CNTNAP2: variants seen among roughly 807,000 people sequenced by gnomAD.
CNTNAP2 encodes contactin associated protein 2.
In CNTNAP2, 98 loss-of-function variants were observed where a neutral mutation model predicts 155.2. That is an observed-to-expected ratio of 0.63 (90% CI 0.54 to 0.75). The LOEUF (loss-of-function observed/expected upper bound fraction) is 0.75, where lower values mean the gene tolerates loss of function less well. Ranked by LOEUF, CNTNAP2 falls within the 30% of genes least tolerant of loss-of-function variation. The probability of loss-of-function intolerance (pLI) is 0.00; values close to 1 mark genes in which losing one functional copy is unlikely to be tolerated. For missense variants in CNTNAP2, 1,727 were observed against 1,688.1 expected (o/e 1.02, Z -0.40); for synonymous variants, 651 against 631.2 (o/e 1.03, Z -0.47).
At chr7:147,872,385 T>A (rs575255899) in intron 13 of CNTNAP2, among the ~76,000 whole-genome samples, 1 of 152,320 alleles carries the variant, frequency 6.6e-6, no homozygotes, top group African/African-American at 2.4e-5. Context: ...AGAGTAAATA[T>A]TATTTAACTT....
At chr7:146,783,496 A>C (rs898741681) in intron 2 of CNTNAP2, among the ~76,000 whole-genome samples, 2 of 152,228 alleles carry the variant, frequency 1.3e-5, no homozygotes, top group African/African-American at 4.8e-5. Context: ...TGTGTAATAC[A>C]GGAATATGTG....
At chr7:147,958,451 C>A (rs949241135) in intron 14 of CNTNAP2, among the ~76,000 whole-genome samples, 7 of 152,142 alleles carry the variant, frequency 4.6e-5, no homozygotes, top group Non-Finnish European at 8.8e-5. Context: ...ATCCAAAAAT[C>A]TCTAGGACAT....
At chr7:147,148,431 TCAGA>T (rs1415621855) in intron 8 of CNTNAP2, among the ~76,000 whole-genome samples, 2 of 149,034 alleles carry the variant, frequency 1.3e-5, no homozygotes, top group African/African-American at 2.5e-5. Flanking sequence ...CAATTTAGAC[TCAGA>T]CAGAAAAGAT....
intron 8 of CNTNAP2, among the ~76,000 whole-genome samples, chr7:147,183,102 A>G (rs1260742869): frequency 6.6e-6 from 1 of 152,158 alleles, no homozygotes; most frequent in African/African-American, 2.4e-5. Context: ...AGCAGCTTAG[A>G]ACAAGCTTGA....
chr7:146,151,710 A>G (rs1429022096), intron 1 of CNTNAP2, among the ~76,000 whole-genome samples: 2 of 100,654 alleles, frequency 2.0e-5, no homozygotes, highest in African/African-American at 4.3e-5. Context: ...ATATATATAT[A>G]TATGTATATA....
chr7:147,440,609 A>G (rs1238260541), intron 10 of CNTNAP2, among the ~76,000 whole-genome samples: 3 of 152,022 alleles, frequency 2.0e-5, no homozygotes, highest in Non-Finnish European at 4.4e-5. Flanking sequence ...TTTCTTTCTG[A>G]TTGAAGAACT....
chr7:146,249,289 A>G (rs1799719282), intron 1 of CNTNAP2, among the ~76,000 whole-genome samples: 1 of 152,204 alleles, frequency 6.6e-6, no homozygotes, highest in African/African-American at 2.4e-5. Flanking sequence ...ATTCCTTTAA[A>G]ATATTCTAGA....
At chr7:148,386,665 G>GTTACT (rs1465174492) in intron 22 of CNTNAP2, among the ~76,000 whole-genome samples, 2 of 152,158 alleles carry the variant, frequency 1.3e-5, no homozygotes, top group African/African-American at 4.8e-5. Context: ...ATGAGGGAAG[G>GTTACT]TTACTTAACA....
At chr7:146,647,263 T>C (rs180827722) in intron 1 of CNTNAP2, among the ~76,000 whole-genome samples, 1 of 152,264 alleles carries the variant, frequency 6.6e-6, no homozygotes, top group Non-Finnish European at 1.5e-5. Flanking sequence ...TATCTCGAGC[T>C]CCTTTCCTCA....
intron 21 of CNTNAP2, among the ~76,000 whole-genome samples, chr7:148,279,684 G>A (rs1796938505): frequency 6.6e-6 from 1 of 152,074 alleles, no homozygotes; most frequent in Admixed American, 6.5e-5. Context: ...GCTTGACTAG[G>A]ACATTGATCG....
At chr7:146,663,172 G>C (rs373849922) in intron 1 of CNTNAP2, among the ~76,000 whole-genome samples, 1 of 151,578 alleles carries the variant, frequency 6.6e-6, no homozygotes. Flanking sequence ...CAGCTACTTG[G>C]GTGGCTGAGG....
At chr7:146,863,061 A>G (rs1310618373) in intron 3 of CNTNAP2, among the ~76,000 whole-genome samples, 2 of 152,192 alleles carry the variant, frequency 1.3e-5, no homozygotes, top group Non-Finnish European at 2.9e-5. Context: ...GGACCTGTCT[A>G]ATGTGGGTTT....
chr7:147,508,333 G>A (rs1798952006), intron 11 of CNTNAP2, among the ~76,000 whole-genome samples: 2 of 152,086 alleles, frequency 1.3e-5, no homozygotes, highest in Middle Eastern at 3.4e-3. Flanking sequence ...CGGTCCTTTA[G>A]CAACCCAGCC....
chr7:148,193,437 T>C (rs147460132), intron 18 of CNTNAP2, among the ~76,000 whole-genome samples: 2 of 152,334 alleles, frequency 1.3e-5, no homozygotes, highest in African/African-American at 4.8e-5. Flanking sequence ...TTAACATTAA[T>C]ACATTTTCTC....
In CNTNAP2 at chr7:147,787,983, T is replaced by C. The variant is rs114891759; in HGVS notation, c.2099-115582T>C. Among the ~76,000 whole-genome samples the C allele has an allele frequency of 4.4e-3, 673 of 152,344 alleles. 5 individuals carry two copies. The highest frequency in any genetic ancestry group is 0.016 in the African/African-American group (653 of 41,584). ...TTTCTCAACTTGTGGATTGTGGAAGTACATTCTCTTTGTATTCTTGAAGGA... is the reference window on the plus strand; with the variant it reads ...TTTCTCAACTTGTGGATTGTGGAAGCACATTCTCTTTGTATTCTTGAAGGA... On this transcript the variant is annotated intron_variant, in intron 13 of 23. Coordinates refer to ENST00000361727, the MANE Select transcript of CNTNAP2 (RefSeq NM_014141.6).
chr7:146,149,230 A>C (rs1319835076), intron 1 of CNTNAP2, among the ~76,000 whole-genome samples: 1 of 152,302 alleles, frequency 6.6e-6, no homozygotes, highest in Middle Eastern at 3.4e-3. Flanking sequence ...CTTAATAAAT[A>C]TCTCAAAACA....
intron 14 of CNTNAP2, among the ~76,000 whole-genome samples, chr7:147,932,710 G>C (rs553339409): frequency 1.9e-4 from 29 of 152,184 alleles, no homozygotes; most frequent in Middle Eastern, 3.4e-3. Context: ...CAGAGCAAGA[G>C]GTATACTATG....
At chr7:147,770,549 T>G (rs1003677245) in intron 13 of CNTNAP2, among the ~76,000 whole-genome samples, 2 of 152,240 alleles carry the variant, frequency 1.3e-5, no homozygotes, top group Admixed American at 6.5e-5. Context: ...TTTGATTTAC[T>G]ATCTCAGAAT....
rs745625118 is a variant in CNTNAP2 at position 147,044,069 on chromosome 7, G to T, written c.550+15G>T. 6.2e-7 allele frequency: 1 copy of T among 1,613,888 alleles called. No homozygotes were observed. Among genetic ancestry groups the T allele is most frequent in the South Asian group, 1.1e-5 (1 of 91,064 alleles). On this transcript the variant is annotated intron_variant, in intron 4 of 23. Coordinates refer to ENST00000361727, the MANE Select transcript of CNTNAP2 (RefSeq NM_014141.6). ...CTGTTCTTACTGTGAGTATCGTATT[G>T]TTTAAATTTGTGGCAGGTTTTATCT...
Sources: allele counts gnomAD v4.1 joint callset (sites outside exome capture counted in the v4.1 genomes callset), GRCh38; gene constraint gnomAD v4.1.1; transcripts MANE v1.5; gene names NCBI Gene and HGNC (gene_info 2026-07-23, HGNC 2026-07-21).